FBXO11: variants seen among roughly 807,000 people sequenced by gnomAD.
FBXO11 encodes F-box protein 11, also known as F-box only protein 11.
Under a neutral mutation model 117.0 loss-of-function variants are expected in FBXO11, and 13 were observed. The observed-to-expected ratio is 0.11, with a 90% CI of 0.07 to 0.18. The LOEUF (loss-of-function observed/expected upper bound fraction) is 0.18. FBXO11 is among the 10% of genes least tolerant of loss of function. The pLI is 1.00. For synonymous variants in FBXO11, 490 were observed against 380.5 expected (o/e 1.29, Z -3.35); for missense variants, 767 against 1,164.4 (o/e 0.66, Z 4.97).
intron 21 of FBXO11, 35 bp downstream of exon 21, chr2:47,809,123 C>T (rs778773713): frequency 1.3e-5 from 17 of 1,317,984 alleles, no homozygotes; most frequent in Non-Finnish European, 1.8e-5. Flanking sequence ...AATCAGTCTT[C>T]CTCTTTTCAG....
At chr2:47,874,536 A>G (rs1315159773) in intron 1 of FBXO11, among the ~76,000 whole-genome samples, 1 of 151,032 alleles carries the variant, frequency 6.6e-6, no homozygotes, top group African/African-American at 2.4e-5. Flanking sequence ...ACAAAATTTA[A>G]AAAAAAAAAC....
intron 11 of FBXO11, among the ~76,000 whole-genome samples, chr2:47,825,944 C>T (rs1478448323): frequency 1.3e-5 from 2 of 151,822 alleles, no homozygotes; most frequent in South Asian, 2.1e-4. Flanking sequence ...TGCAGTGATA[C>T]AGTAAAAAAA....
chr2:47,823,463 A>G (rs1671523502), intron 11 of FBXO11, 103 bp from the exon 12 acceptor site: 2 of 921,424 alleles, frequency 2.2e-6, no homozygotes, highest in Admixed American at 2.8e-5. Context: ...TAAGTATTAG[A>G]AACATTTAAG....
At chr2:47,882,692 C>T (rs753480529) in intron 1 of FBXO11, among the ~76,000 whole-genome samples, 3 of 152,176 alleles carry the variant, frequency 2.0e-5, no homozygotes, top group African/African-American at 4.8e-5. Context: ...CCCTCTGTTG[C>T]CCAGGCTCAA....
chr2:47,891,120 A>T (rs1359412347), intron 1 of FBXO11, among the ~76,000 whole-genome samples: 1 of 152,006 alleles, frequency 6.6e-6, no homozygotes, highest in Non-Finnish European at 1.5e-5. Context: ...CACTGCCAAA[A>T]CTATTACTTT....
chr2:47,843,298 T>A (rs1436342719), intron 1 of FBXO11, among the ~76,000 whole-genome samples: 1 of 152,242 alleles, frequency 6.6e-6, no homozygotes, highest in Non-Finnish European at 1.5e-5. Context: ...TCTAAAAAGA[T>A]CTAGCTTGTT....
In FBXO11 at chr2:47,900,592, ATATACACACG is replaced by A. The variant is rs1248126491; in HGVS notation, c.232+4887_232+4896del. ...CACACGTATACACACATATATACGT[ATATACACACG>A]TATACACACGTATATACACACGTAT... is the stretch of plus-strand genomic sequence containing the variant. On this transcript the variant is annotated intron_variant, in intron 1 of 22. Coordinates refer to ENST00000403359, the MANE Select transcript of FBXO11 (RefSeq NM_001190274.2). Among the ~76,000 whole-genome samples, 32 of 145,208 alleles carry A rather than the reference ATATACACACG, an allele frequency of 2.2e-4. 5 individuals carry two copies. The highest frequency in any genetic ancestry group is 1.6e-3 in the Admixed American group (23 of 14,828).
chr2:47,837,303 GATC>G lies in FBXO11; in HGVS notation c.588-1305_588-1303del, dbSNP rs1672658481. On this transcript the variant is annotated intron_variant, in intron 4 of 22. Coordinates refer to ENST00000403359, the MANE Select transcript of FBXO11 (RefSeq NM_001190274.2). Reference sequence around the variant, plus strand: ...GCACTTTGGGAGGCCCAGGCAGGAGGATCACCTGAGGTCAGGAGTTCAAGACCA... The same window carrying G: ...GCACTTTGGGAGGCCCAGGCAGGAGGACCTGAGGTCAGGAGTTCAAGACCA... Among the ~76,000 whole-genome samples, 5 of 152,348 alleles carry G rather than the reference GATC, an allele frequency of 3.3e-5. No homozygotes were observed. The South Asian group carries it at 1.0e-3, about 32-fold the overall frequency.
intron 7 of FBXO11, among the ~76,000 whole-genome samples, 157 bp from the exon 8 acceptor site, chr2:47,833,227 C>T (rs1043924967): frequency 6.6e-6 from 1 of 152,208 alleles, no homozygotes; most frequent in Non-Finnish European, 1.5e-5. Context: ...TTGCTATATT[C>T]AAATCCATGC....
intron 1 of FBXO11, among the ~76,000 whole-genome samples, chr2:47,895,653 AGC>A (rs920172430): frequency 2.0e-4 from 31 of 152,350 alleles, no homozygotes; most frequent in African/African-American, 7.5e-4. Context: ...TTACAAGATT[AGC>A]AGAAATTATT....
chr2:47,856,777 A>T (rs1303062349), intron 1 of FBXO11, among the ~76,000 whole-genome samples: 1 of 152,256 alleles, frequency 6.6e-6, no homozygotes, highest in Admixed American at 6.5e-5. Flanking sequence ...TAACAATAGG[A>T]TAATTATATT....
intron 1 of FBXO11, among the ~76,000 whole-genome samples, chr2:47,882,831 T>C (rs950316667): frequency 1.3e-5 from 2 of 152,154 alleles, no homozygotes; most frequent in Admixed American, 6.5e-5. Context: ...TTGTACTTTT[T>C]TAGAGACAGG....
intron 1 of FBXO11, among the ~76,000 whole-genome samples, chr2:47,888,129 T>C (rs957286188): frequency 2.0e-5 from 3 of 152,184 alleles, no homozygotes; most frequent in African/African-American, 7.2e-5. Context: ...CACTTCGCAC[T>C]TACACATTTC....
At chr2:47,858,812 A>C (rs1432175845) in intron 1 of FBXO11, among the ~76,000 whole-genome samples, 1 of 151,902 alleles carries the variant, frequency 6.6e-6, no homozygotes, top group African/African-American at 2.4e-5. Flanking sequence ...TGGGAGGCCA[A>C]GACGGTTGGA....
chr2:47,850,268 GA>G (rs1486081540), intron 1 of FBXO11, among the ~76,000 whole-genome samples: 2 of 152,086 alleles, frequency 1.3e-5, no homozygotes, highest in Non-Finnish European at 2.9e-5. Context: ...TGAAGGTGGG[GA>G]AAAAAGATGA....
intron 5 of FBXO11, among the ~76,000 whole-genome samples, chr2:47,835,500 CTTTTT>C (rs891732660): frequency 1.4e-5 from 2 of 147,672 alleles, no homozygotes; most frequent in African/African-American, 4.9e-5. Flanking sequence ...ACCTACTCAA[CTTTTT>C]TTTTTTCCCT....
intron 1 of FBXO11, among the ~76,000 whole-genome samples, chr2:47,857,086 C>T (rs570099544): frequency 6.6e-6 from 1 of 152,282 alleles, no homozygotes; most frequent in Admixed American, 6.5e-5. Context: ...CTACTTTAGT[C>T]AAAGTTCACC....
At chr2:47,890,107 G>T (rs941098305) in intron 1 of FBXO11, among the ~76,000 whole-genome samples, 1 of 151,956 alleles carries the variant, frequency 6.6e-6, no homozygotes, top group Non-Finnish European at 1.5e-5. Flanking sequence ...CATGCCACCA[G>T]GCCTGGCTAA....
rs1197146050 is a variant in FBXO11, at chr2:47,819,140, T to C, written c.1798-62A>G. On this transcript the variant is annotated intron_variant, in intron 14 of 22. Transcript: ENST00000403359. ...CTATAAGCAAGGCGTTTATAGTCTG[T>C]TACCCCCTTTATAGACAGTTAAAAA... 10 of 1,535,438 alleles carry C rather than the reference T, an allele frequency of 6.5e-6. No individual in the cohort carries two copies. In the Admixed American group the frequency reaches 2.0e-4, roughly 30 times the overall value.
Sources: allele counts gnomAD v4.1 joint callset (sites outside exome capture counted in the v4.1 genomes callset), GRCh38; gene constraint gnomAD v4.1.1; transcripts MANE v1.5; gene names NCBI Gene and HGNC (gene_info 2026-07-23, HGNC 2026-07-21).